The following FGF14 variants were observed in gnomAD, a reference collection of about 807,000 sequenced individuals.
FGF14 encodes fibroblast growth factor homologous factor 4.
A neutral mutation model predicts 25.5 loss-of-function variants in FGF14; 5 were observed. The observed-to-expected ratio is 0.20, with a 90% CI of 0.10 to 0.41. FGF14 has a LOEUF of 0.41. FGF14 is among the 10% of genes least tolerant of loss of function. The pLI is 1.00. For synonymous variants in FGF14, 138 were observed against 118.3 expected, an observed-to-expected ratio of 1.17 and a Z score of -1.08; for missense variants, 222 against 320.1, an observed-to-expected ratio of 0.69 and a Z score of 2.34.
intron 1 of FGF14, among the ~76,000 whole-genome samples, chr13:102,374,651 TATATA>T (rs2057988637): frequency 6.0e-5 from 1 of 16,716 alleles, no homozygotes; most frequent in African/African-American, 3.0e-4. Context: ...ATTTTATATA[TATATA>T]TATATATATA....
At chr13:102,197,719 A>G (rs1380871759) in intron 1 of FGF14, among the ~76,000 whole-genome samples, 4 of 152,130 alleles carry the variant, frequency 2.6e-5, no homozygotes, top group Non-Finnish European at 5.9e-5. Flanking sequence ...TAACACACGT[A>G]TAGATATACA....
At chr13:102,291,776 G>A (rs912828722) in intron 1 of FGF14, among the ~76,000 whole-genome samples, 11 of 152,050 alleles carry the variant, frequency 7.2e-5, no homozygotes, top group African/African-American at 2.7e-4. Flanking sequence ...GATTCAACAG[G>A]TCCCAGGAAG....
intron 1 of FGF14, among the ~76,000 whole-genome samples, chr13:102,256,612 C>T (rs780822830): frequency 2.0e-5 from 3 of 152,196 alleles, no homozygotes; most frequent in East Asian, 1.9e-4. Flanking sequence ...CTGAATCAGA[C>T]GCTCTAAAGA....
intron 1 of FGF14, among the ~76,000 whole-genome samples, chr13:102,018,469 T>A (rs1340551377): frequency 1.3e-5 from 2 of 152,168 alleles, no homozygotes; most frequent in Non-Finnish European, 2.9e-5. Flanking sequence ...ATAGTTTCCA[T>A]GCCATCACTG....
At chr13:102,401,276 A>G (rs2058698257) in intron 1 of FGF14, among the ~76,000 whole-genome samples, 2 of 151,914 alleles carry the variant, frequency 1.3e-5, no homozygotes, top group African/African-American at 4.8e-5. Flanking sequence ...AGGGATGCCA[A>G]TAATGGTTTT....
intron 1 of FGF14, among the ~76,000 whole-genome samples, chr13:101,952,929 G>A (rs1223171079): frequency 6.6e-6 from 1 of 152,176 alleles, no homozygotes; most frequent in Non-Finnish European, 1.5e-5. Context: ...AGCTACTCAG[G>A]AGACTGAGGC....
chr13:101,914,333 CAA>C (rs1342229094), intron 1 of FGF14, among the ~76,000 whole-genome samples: 1 of 151,496 alleles, frequency 6.6e-6, no homozygotes, highest in Non-Finnish European at 1.5e-5. Context: ...TTCTGATACT[CAA>C]GAGATATATC....
intron 1 of FGF14, among the ~76,000 whole-genome samples, chr13:102,283,203 T>C (rs1334733997): frequency 6.6e-6 from 1 of 152,210 alleles, no homozygotes; most frequent in Non-Finnish European, 1.5e-5. Flanking sequence ...GACCTGGGAA[T>C]TGGTTACACT....
chr13:101,714,732 G>A lies in FGF14; in HGVS notation c.*8099C>T. 1.7e-6 allele frequency: 1 copy of A among 580,300 alleles called. No homozygotes were observed. The highest frequency in any genetic ancestry group is 3.1e-6 in the Non-Finnish European group (1 of 325,146). The allele number at this position is 580,300 out of a possible 1,614,324, so 35.9% of individuals were successfully genotyped here. A position where few individuals can be genotyped will look rare whatever the true frequency, so the allele number is the denominator to read the frequency against. On this transcript the variant is annotated 3_prime_UTR_variant, in exon 5 of 5. Transcript: ENST00000376143. The stretch of plus-strand genomic sequence containing the variant: ...TCACAAAAGCCTCACATTATTCCTA[G>A]GCATAGAAGAATACAAGAGAATGAA...
intron 1 of FGF14, among the ~76,000 whole-genome samples, chr13:102,388,924 A>G (rs2058369210): frequency 6.6e-6 from 1 of 152,178 alleles, no homozygotes; most frequent in African/African-American, 2.4e-5. Context: ...CTAAGCCGCT[A>G]AAATATGATT....
intron 1 of FGF14, among the ~76,000 whole-genome samples, chr13:102,243,144 G>C (rs2051686084): frequency 6.6e-6 from 1 of 152,088 alleles, no homozygotes; most frequent in South Asian, 2.1e-4. Flanking sequence ...CAGCAACATG[G>C]AAATATGCTG....
intron 3 of FGF14, among the ~76,000 whole-genome samples, chr13:101,843,924 AT>A (rs542017599): frequency 1.3e-5 from 2 of 152,160 alleles, no homozygotes; most frequent in South Asian, 4.1e-4. Flanking sequence ...TATATCTTTC[AT>A]TTTTAAATTG....
intron 1 of FGF14, among the ~76,000 whole-genome samples, chr13:102,231,730 C>G (rs1201795120): frequency 1.3e-5 from 2 of 152,118 alleles, no homozygotes; most frequent in Non-Finnish European, 1.5e-5. Context: ...CCAGTGATAT[C>G]AAGAGGACAG....
intron 3 of FGF14, among the ~76,000 whole-genome samples, chr13:101,755,584 T>C (rs1271281963): frequency 6.6e-6 from 1 of 152,030 alleles, no homozygotes; most frequent in East Asian, 1.9e-4. Context: ...TTCAGAAAAA[T>C]TGGGGTAATT....
chr13:101,851,325 A>G (rs773253055), intron 3 of FGF14, among the ~76,000 whole-genome samples: 15 of 152,028 alleles, frequency 9.9e-5, no homozygotes, highest in Non-Finnish European at 1.8e-4. Flanking sequence ...CAAACTCAGC[A>G]TGGGAGAAGT....
chr13:102,192,197 A>C (rs984112465), intron 1 of FGF14, among the ~76,000 whole-genome samples: 1 of 152,138 alleles, frequency 6.6e-6, no homozygotes, highest in African/African-American at 2.4e-5. Flanking sequence ...TCACTACTTC[A>C]TTTTCTTGAA....
chr13:102,017,590 G>T (rs774436126), intron 1 of FGF14, among the ~76,000 whole-genome samples: 4 of 151,892 alleles, frequency 2.6e-5, no homozygotes, highest in South Asian at 2.1e-4. Flanking sequence ...TGTGTCTAGG[G>T]TCAGTCTCTT....
chr13:102,145,502 T>C (rs954055048), intron 1 of FGF14, among the ~76,000 whole-genome samples: 3 of 152,218 alleles, frequency 2.0e-5, no homozygotes, highest in African/African-American at 7.2e-5. Flanking sequence ...TTTTAATTTA[T>C]ATTTAAGAAC....
chr13:102,042,168 A>G (rs1453409206), intron 1 of FGF14, among the ~76,000 whole-genome samples: 1 of 152,196 alleles, frequency 6.6e-6, no homozygotes, highest in African/African-American at 2.4e-5. Context: ...AGGAACTCCT[A>G]TGTGGCATAA....
Sources: allele counts gnomAD v4.1 joint callset (sites outside exome capture counted in the v4.1 genomes callset), GRCh38; gene constraint gnomAD v4.1.1; transcripts MANE v1.5; gene names NCBI Gene and HGNC (gene_info 2026-07-23, HGNC 2026-07-21).